AKAIN1: variants seen among roughly 807,000 people sequenced by gnomAD.
AKAIN1 encodes the protein A-kinase anchor protein inhibitor 1.
AKAIN1 carries 3 observed loss-of-function variants against 3.7 expected under a neutral mutation model. The ratio of observed to expected loss-of-function variants is 0.82; its 90% confidence interval spans 0.37 to 2.12. AKAIN1 has a LOEUF of 2.12. Among genes scored for constraint, AKAIN1 ranks in the 30% most tolerant of loss-of-function variants. The probability of loss-of-function intolerance (pLI) is 0.06; values close to 1 mark genes in which losing one functional copy is unlikely to be tolerated. For synonymous variants in AKAIN1, 31 were observed against 30.8 expected (o/e 1.01, Z -0.02); for missense variants, 82 against 82.7 (o/e 0.99, Z 0.03).
intron 1 of AKAIN1, among the ~76,000 whole-genome samples, chr18:5,183,381 T>G (rs1204930136): frequency 6.6e-6 from 1 of 152,094 alleles, no homozygotes; most frequent in African/African-American, 2.4e-5. Context: ...GAGTGATTTT[T>G]ATATTTTAAT....
chr18:5,197,204 G>A lies in AKAIN1; in HGVS notation c.-151C>T. On this transcript the variant is annotated 5_prime_UTR_variant, in exon 1 of 2. Coordinates refer to ENST00000434239, the MANE Select transcript of AKAIN1 (RefSeq NM_001145194.2). This position sits in a 1 kb window ranked among gnomAD's most constrained non-coding sequence, Gnocchi z 6.9. ...GTCAGCACCCCGGACAGCTCCCGCC[G>A]CTAGATCCTGGGGCCGCAGCTCCAG... The A allele has an allele frequency of 7.0e-7, 1 of 1,422,646 alleles. No homozygotes were observed. Among genetic ancestry groups the A allele is most frequent in the Non-Finnish European group, 9.1e-7 (1 of 1,096,336 alleles). 88.1% of individuals were successfully genotyped at this position (1,422,646 alleles called of 1,614,324 possible). A position where few individuals can be genotyped will look rare whatever the true frequency, so the allele number is the denominator to read the frequency against.
intron 1 of AKAIN1, among the ~76,000 whole-genome samples, chr18:5,170,072 T>G (rs2071189147): frequency 6.6e-6 from 1 of 152,174 alleles, no homozygotes; most frequent in Admixed American, 6.6e-5. Flanking sequence ...TATTCTGATT[T>G]TTAACAAAAA....
intron 1 of AKAIN1, among the ~76,000 whole-genome samples, chr18:5,173,535 G>A (rs12327023): frequency 0.028 from 4,241 of 152,282 alleles, 106 homozygotes; most frequent in East Asian, 0.11. Context: ...GACAACTGGT[G>A]GGGTGTTGTT....
chr18:5,149,107 A>C (rs2071065688), intron 1 of AKAIN1, among the ~76,000 whole-genome samples: 1 of 152,156 alleles, frequency 6.6e-6, no homozygotes, highest in Non-Finnish European at 1.5e-5. Context: ...TGCTCCTAGA[A>C]AAAGTATCTT....
chr18:5,176,439 C>CAAA (rs146227001), intron 1 of AKAIN1, among the ~76,000 whole-genome samples: 1 of 150,644 alleles, frequency 6.6e-6, no homozygotes, highest in African/African-American at 2.5e-5. Context: ...GACCCTGTCT[C>CAAA]AAAAACAAAC....
At position 5,180,605 on chromosome 18, in the gene AKAIN1, G is replaced by T. The variant is rs190381891; in HGVS notation, c.16+16433C>A. On this transcript the variant is annotated intron_variant, in intron 1 of 1. Coordinates refer to ENST00000434239, the MANE Select transcript of AKAIN1 (RefSeq NM_001145194.2). Reference sequence around the variant, plus strand: ...TGTTAATTATTAACTTGTATAGCATGACCTGATCAGGTGGTGAAATAATCT... The same window carrying T: ...TGTTAATTATTAACTTGTATAGCATTACCTGATCAGGTGGTGAAATAATCT... Among the ~76,000 whole-genome samples the T allele has an allele frequency of 9.2e-5, 14 of 152,270 alleles. No individual in the cohort carries two copies. In the East Asian group the frequency reaches 2.7e-3, roughly 29 times the overall value.
At chr18:5,189,717 AAC>A (rs893815729) in intron 1 of AKAIN1, among the ~76,000 whole-genome samples, 9 of 151,552 alleles carry the variant, frequency 5.9e-5, no homozygotes, top group Non-Finnish European at 1.2e-4. Context: ...CAACCACTTA[AAC>A]AATCTCTGAG....
chr18:5,158,727 C>T (rs1014064256), intron 1 of AKAIN1, among the ~76,000 whole-genome samples: 1 of 152,132 alleles, frequency 6.6e-6, no homozygotes, highest in Non-Finnish European at 1.5e-5. Flanking sequence ...GAACCCTGCA[C>T]ACATGGGTAT....
At chr18:5,180,630 TACTCTGAAGCATG>T (rs1288030102) in intron 1 of AKAIN1, among the ~76,000 whole-genome samples, 4 of 152,176 alleles carry the variant, frequency 2.6e-5, no homozygotes, top group African/African-American at 9.6e-5. Flanking sequence ...TGAAATAATC[TACTCTGAAGCATG>T]AGTCGGATTG....
chr18:5,145,509 T>C lies in AKAIN1; in HGVS notation c.*53A>G, dbSNP rs2071043342. The C allele has an allele frequency of 6.8e-7, 1 of 1,470,206 alleles. No individual in the cohort carries two copies. The highest frequency in any genetic ancestry group is 1.3e-5 in the South Asian group (1 of 78,800). 91.1% of individuals were successfully genotyped at this position (1,470,206 alleles called of 1,614,324 possible). On this transcript the variant is annotated 3_prime_UTR_variant, in exon 2 of 2. Transcript: ENST00000434239. ...GGCAACATTTTGGAGATGCGTCCTA[T>C]ACTAAGAGGAAGGCTAGAAACCAAG...
intron 1 of AKAIN1, among the ~76,000 whole-genome samples, chr18:5,174,023 A>C (rs569827451): frequency 6.6e-6 from 1 of 152,214 alleles, no homozygotes; most frequent in South Asian, 2.1e-4. Flanking sequence ...CTCCCCTTGT[A>C]TTCATTCCAT....
intron 1 of AKAIN1, among the ~76,000 whole-genome samples, chr18:5,147,754 G>C (rs182996508): frequency 2.0e-5 from 3 of 152,272 alleles, no homozygotes; most frequent in Admixed American, 2.0e-4. Context: ...TAAACCTATT[G>C]AGAGCGAAGA....
intron 1 of AKAIN1, among the ~76,000 whole-genome samples, chr18:5,154,358 A>C (rs576424988): frequency 2.6e-5 from 4 of 152,262 alleles, no homozygotes; most frequent in African/African-American, 9.6e-5. Flanking sequence ...GATAACAACC[A>C]AGACTGTGTT....
chr18:5,155,640 A>G (rs1598306013), intron 1 of AKAIN1, among the ~76,000 whole-genome samples: 1 of 152,276 alleles, frequency 6.6e-6, no homozygotes, highest in Non-Finnish European at 1.5e-5. Flanking sequence ...AGTTCAGGAA[A>G]AGCAATCCAG....
At chr18:5,189,327 T>C (rs886935951) in intron 1 of AKAIN1, among the ~76,000 whole-genome samples, 4 of 152,318 alleles carry the variant, frequency 2.6e-5, no homozygotes, top group African/African-American at 9.6e-5. Flanking sequence ...GTAATCTCTC[T>C]AGCAAATGAT....
At chr18:5,158,029 G>C (rs1309198435) in intron 1 of AKAIN1, among the ~76,000 whole-genome samples, 1 of 152,072 alleles carries the variant, frequency 6.6e-6, no homozygotes, top group Non-Finnish European at 1.5e-5. Context: ...GAACAAGTCA[G>C]TTTCCTCACC....
chr18:5,147,819 G>C (rs1487380913), intron 1 of AKAIN1, among the ~76,000 whole-genome samples: 4 of 152,224 alleles, frequency 2.6e-5, no homozygotes, highest in Non-Finnish European at 5.9e-5. Context: ...CTGAGCAGAG[G>C]AGTCTGGAGG....
At chr18:5,149,684 A>G (rs1341370760) in intron 1 of AKAIN1, among the ~76,000 whole-genome samples, 1 of 152,120 alleles carries the variant, frequency 6.6e-6, no homozygotes, top group Admixed American at 6.5e-5. Flanking sequence ...CTTCCCTCTG[A>G]GGTCATTCCA....
At chr18:5,182,912 A>C (rs890606626) in intron 1 of AKAIN1, among the ~76,000 whole-genome samples, 2 of 152,094 alleles carry the variant, frequency 1.3e-5, no homozygotes, top group African/African-American at 4.8e-5. Context: ...TATATCCTCT[A>C]ACTCTGAAGA....
Sources: allele counts gnomAD v4.1 joint callset (sites outside exome capture counted in the v4.1 genomes callset), GRCh38; gene constraint gnomAD v4.1.1; non-coding constraint Gnocchi (gnomAD v3.1); transcripts MANE v1.5; gene names NCBI Gene and HGNC (gene_info 2026-07-23, HGNC 2026-07-21).